Variants in HYDIN observed in about 807,000 individuals in gnomAD.
The protein encoded by HYDIN is axonemal central pair apparatus protein HYDIN.
Under a neutral mutation model 403.9 loss-of-function variants are expected in HYDIN, and 132 were observed. The ratio of observed to expected loss-of-function variants is 0.33; its 90% CI spans 0.28 to 0.38. HYDIN has a LOEUF of 0.38. Ranked by LOEUF, HYDIN falls within the 10% of genes least tolerant of loss-of-function variation. The pLI, the probability that HYDIN is intolerant of heterozygous loss-of-function variation, is 1.00. For missense variants in HYDIN, 2,827 were observed against 5,009.5 expected, an observed-to-expected ratio of 0.56 and a Z score of 13.15; for synonymous variants, 1,202 against 1,891.7, an observed-to-expected ratio of 0.64 and a Z score of 9.46.
chr16:71,134,149 A>G (rs1314719654), intron 8 of HYDIN, among the ~76,000 whole-genome samples: 1 of 152,106 alleles, frequency 6.6e-6, no homozygotes, highest in Admixed American at 6.5e-5. Flanking sequence ...GCTCATCAAG[A>G]TACAAGAGGA....
chr16:71,089,187 G>A (rs1221054353), intron 11 of HYDIN, among the ~76,000 whole-genome samples: 1 of 151,962 alleles, frequency 6.6e-6, no homozygotes, highest in Middle Eastern at 3.4e-3. Context: ...TTGCCCATAG[G>A]TGGTTGCACA....
At chr16:71,074,707 C>CAAAAAAAAAAAAAAAAAAAA (rs59315287) in intron 13 of HYDIN, among the ~76,000 whole-genome samples, 4 of 86,238 alleles carry the variant, frequency 4.6e-5, no homozygotes, top group African/African-American at 9.0e-5. Context: ...CAAAAAACAC[C>CAAAAAAAAAAAAAAAAAAAA]AAAAAAAAAA....
intron 83 of HYDIN, among the ~76,000 whole-genome samples, chr16:70,821,814 A>T (rs1395560133): frequency 6.6e-6 from 1 of 152,112 alleles, no homozygotes; most frequent in Non-Finnish European, 1.5e-5. Context: ...TATGCTCTGG[A>T]AATGGAACAA....
At chr16:70,819,959 C>T (rs927336484) in intron 83 of HYDIN, among the ~76,000 whole-genome samples, 3 of 148,834 alleles carry the variant, frequency 2.0e-5, no homozygotes, top group African/African-American at 7.3e-5. Context: ...AGGCGTCCGC[C>T]ATCACGCCTG....
At chr16:70,971,712 A>T (rs1371891159) in intron 35 of HYDIN, among the ~76,000 whole-genome samples, 2 of 151,256 alleles carry the variant, frequency 1.3e-5, no homozygotes, top group Admixed American at 6.6e-5. Flanking sequence ...GGACACAAAA[A>T]GATAAATTAC....
chr16:70,986,304 G>T (rs2079190457), intron 27 of HYDIN, among the ~76,000 whole-genome samples: 1 of 150,286 alleles, frequency 6.7e-6, no homozygotes, highest in Non-Finnish European at 1.5e-5. Flanking sequence ...GGGTTAGCAG[G>T]CCCAATAACC....
At chr16:71,129,964 T>G (rs2084639038) in intron 8 of HYDIN, 141 bp from the exon 9 acceptor site, 4 of 766,818 alleles carry the variant, frequency 5.2e-6, no homozygotes, top group Middle Eastern at 7.8e-4. Flanking sequence ...GTCTGTAACC[T>G]GCTGCCCTTG....
chr16:70,896,704 A>C, intron 53 of HYDIN, among the ~76,000 whole-genome samples: 1 of 134,576 alleles, frequency 7.4e-6, no homozygotes, highest in South Asian at 2.5e-4. Context: ...CCTAGTGAGC[A>C]CTGCCCTGAC....
intron 83 of HYDIN, among the ~76,000 whole-genome samples, chr16:70,819,185 G>A (rs1216600238): frequency 6.6e-6 from 1 of 151,942 alleles, no homozygotes; most frequent in Non-Finnish European, 1.5e-5. Context: ...AAAGTGCTAG[G>A]ATTATAGGTG....
intron 5 of HYDIN, among the ~76,000 whole-genome samples, chr16:71,175,126 A>G (rs767306082): frequency 7.5e-4 from 113 of 151,380 alleles, no homozygotes; most frequent in Non-Finnish European, 1.1e-3. Flanking sequence ...AAATACTAAC[A>G]TCACCACTAC....
intron 21 of HYDIN, among the ~76,000 whole-genome samples, chr16:71,021,510 C>A (rs1365822485): frequency 2.0e-5 from 3 of 152,136 alleles, no homozygotes; most frequent in Non-Finnish European, 4.4e-5. Context: ...CCACCGCACC[C>A]GGCCCAGATT....
intron 20 of HYDIN, chr16:71,027,034 T>G: frequency 1.5e-6 from 1 of 660,840 alleles, no homozygotes; most frequent in Non-Finnish European, 1.9e-6. Flanking sequence ...AAAGAAACAC[T>G]CATGATTTGG....
chr16:71,227,773 C>T (rs937872302), intron 1 of HYDIN, among the ~76,000 whole-genome samples: 2 of 152,204 alleles, frequency 1.3e-5, no homozygotes, highest in Non-Finnish European at 2.9e-5. Context: ...CCCCATCAAG[C>T]TACCAATGAC....
intron 23 of HYDIN, among the ~76,000 whole-genome samples, chr16:71,000,778 T>G (rs71403817): frequency 6.6e-6 from 1 of 151,984 alleles, no homozygotes; most frequent in East Asian, 1.9e-4. Context: ...GAAGAGGAGA[T>G]TCTAGATGAA....
chr16:71,175,525 C>A (rs1331005651), intron 5 of HYDIN, 82 bp downstream of exon 5: 6 of 1,399,502 alleles, frequency 4.3e-6, no homozygotes, highest in Non-Finnish European at 1.0e-6. Flanking sequence ...CCACCACCAG[C>A]ACTACCGCCT....
At chr16:70,875,423 G>A (rs1417486661) in intron 62 of HYDIN, among the ~76,000 whole-genome samples, 1 of 152,042 alleles carries the variant, frequency 6.6e-6, no homozygotes, top group Non-Finnish European at 1.5e-5. Context: ...CCTACTTGGA[G>A]AAAGTGGTGG....
chr16:71,026,111 G>C (rs1373196393), intron 20 of HYDIN, among the ~76,000 whole-genome samples: 2 of 152,238 alleles, frequency 1.3e-5, no homozygotes, highest in African/African-American at 4.8e-5. Context: ...TGTTGGTCAG[G>C]CTGGTCTCGA....
chr16:70,911,626 T>C (rs2076699014), intron 47 of HYDIN, among the ~76,000 whole-genome samples: 1 of 151,064 alleles, frequency 6.6e-6, no homozygotes, highest in Non-Finnish European at 1.5e-5. Context: ...AATTTTATAA[T>C]TTTTTCCTAA....
At chr16:70,986,525 C>A (rs1207564312) in intron 27 of HYDIN, among the ~76,000 whole-genome samples, 1 of 152,218 alleles carries the variant, frequency 6.6e-6, no homozygotes, top group Non-Finnish European at 1.5e-5. Context: ...TCTATAAACA[C>A]ACATGCATGC....
Sources: allele counts gnomAD v4.1 joint callset (sites outside exome capture counted in the v4.1 genomes callset), GRCh38; gene constraint gnomAD v4.1.1; transcripts MANE v1.5; gene names NCBI Gene and HGNC (gene_info 2026-07-23, HGNC 2026-07-21).